Variants in RNF216 observed in about 807,000 individuals in gnomAD.
The protein encoded by RNF216 is ring finger protein 216.
RNF216 carries 72 observed loss-of-function variants against 110.8 expected under a neutral mutation model. The observed-to-expected ratio is 0.65, with a 90% CI of 0.54 to 0.79. The LOEUF (loss-of-function observed/expected upper bound fraction) is 0.79, where lower values mean the gene tolerates loss of function less well. Ranked by LOEUF, RNF216 falls within the 30% of genes least tolerant of loss-of-function variation. RNF216 has a pLI of 0.00. For synonymous variants in RNF216, 495 were observed against 407.5 expected (o/e 1.21, Z -2.59); for missense variants, 1,342 against 1,141.2 (o/e 1.18, Z -2.54).
intron 15 of RNF216, among the ~76,000 whole-genome samples, chr7:5,631,670 A>T (rs899669018): frequency 9.8e-6 from 1 of 101,584 alleles, no homozygotes; most frequent in African/African-American, 8.1e-5. Context: ...CATCAACATA[A>T]AAAAAAAAAT....
chr7:5,705,917 T>TAAAACAAAACAAAAC lies in RNF216; in HGVS notation c.2061+5829_2061+5843dup, dbSNP rs55645443. Among the ~76,000 whole-genome samples, 41 of 144,074 alleles carry TAAAACAAAACAAAAC rather than the reference T, an allele frequency of 2.8e-4. 1 individual carries two copies. Among genetic ancestry groups the TAAAACAAAACAAAAC allele is most frequent in the East Asian group, 8.4e-4 (4 of 4,784 alleles). The allele number at this position is 144,074 out of a possible 152,430, so 94.5% of individuals were successfully genotyped here. A position where few individuals can be genotyped will look rare whatever the true frequency, so the allele number is the denominator to read the frequency against. ...AGCGAAACTCCATCTCAACAAAAAC[T>TAAAACAAAACAAAAC]AAAACAAAACAAAACAAAACAAAAC... On this transcript the variant is annotated intron_variant, in intron 13 of 16. Coordinates refer to ENST00000389902, the MANE Select transcript of RNF216 (RefSeq NM_207111.4).
intron 3 of RNF216, among the ~76,000 whole-genome samples, chr7:5,743,431 TTAAA>T (rs1208348239): frequency 2.0e-5 from 3 of 152,120 alleles, no homozygotes; most frequent in Non-Finnish European, 4.4e-5. Flanking sequence ...GAGTGAATGG[TTAAA>T]TAAACTATTA....
At chr7:5,779,095 A>T (rs1168259771) in intron 1 of RNF216, among the ~76,000 whole-genome samples, 1 of 152,256 alleles carries the variant, frequency 6.6e-6, no homozygotes, top group African/African-American at 2.4e-5. Context: ...ATCAGGTATG[A>T]GAATGAATTA....
intron 4 of RNF216, among the ~76,000 whole-genome samples, chr7:5,740,244 A>G (rs1794681028): frequency 6.6e-6 from 1 of 150,524 alleles, no homozygotes; most frequent in Non-Finnish European, 1.5e-5. Context: ...CTCCTGCCTC[A>G]GCCTCCCAAG....
chr7:5,766,908 A>G (rs1017016955), intron 1 of RNF216: 1 of 152,270 alleles, frequency 6.6e-6, no homozygotes, highest in Non-Finnish European at 1.5e-5. Context: ...ATAGCTGTAT[A>G]ATGATAATGT....
chr7:5,679,594 T>C (rs1439024444), intron 13 of RNF216, among the ~76,000 whole-genome samples: 1 of 152,216 alleles, frequency 6.6e-6, no homozygotes, highest in Non-Finnish European at 1.5e-5. Flanking sequence ...AGATGTGCAA[T>C]TATTTGATAA....
chr7:5,781,282 G>C (rs1436806864), intron 1 of RNF216, among the ~76,000 whole-genome samples: 1 of 152,090 alleles, frequency 6.6e-6, no homozygotes, highest in Non-Finnish European at 1.5e-5. Flanking sequence ...GAAACTTCGC[G>C]AAGTGGCGAG....
intron 1 of RNF216, among the ~76,000 whole-genome samples, chr7:5,764,335 A>G (rs1209888741): frequency 6.6e-6 from 1 of 152,134 alleles, no homozygotes; most frequent in African/African-American, 2.4e-5. Flanking sequence ...GAACTACCAG[A>G]GGTAAAACAA....
At chr7:5,644,834 T>C (rs903387045) in intron 14 of RNF216, among the ~76,000 whole-genome samples, 8 of 150,654 alleles carry the variant, frequency 5.3e-5, no homozygotes, top group East Asian at 1.9e-4. Flanking sequence ...TTTCTTTTTT[T>C]TTTTTTTTGA....
At chr7:5,672,869 C>G (rs752041957) in intron 13 of RNF216, among the ~76,000 whole-genome samples, 1 of 152,100 alleles carries the variant, frequency 6.6e-6, no homozygotes, top group African/African-American at 2.4e-5. Context: ...CAGCACACTC[C>G]CAGGATAATG....
chr7:5,728,365 A>G (rs1793885366), intron 7 of RNF216, among the ~76,000 whole-genome samples: 1 of 151,958 alleles, frequency 6.6e-6, no homozygotes, highest in African/African-American at 2.4e-5. Context: ...AGATCATCTG[A>G]GGTCAGGAGT....
At chr7:5,722,274 CTT>C (rs1423876968) in intron 8 of RNF216, among the ~76,000 whole-genome samples, 6 of 151,784 alleles carry the variant, frequency 4.0e-5, no homozygotes, top group African/African-American at 9.7e-5. Flanking sequence ...TCAATTTACT[CTT>C]GTCTGTTCTT....
intron 1 of RNF216, among the ~76,000 whole-genome samples, chr7:5,767,967 T>C (rs936882535): frequency 6.6e-6 from 1 of 152,132 alleles, no homozygotes; most frequent in Non-Finnish European, 1.5e-5. Flanking sequence ...AGCTTTCATC[T>C]AAGATCCTAG....
intron 1 of RNF216, among the ~76,000 whole-genome samples, chr7:5,762,238 T>C (rs1403593836): frequency 1.3e-5 from 2 of 152,148 alleles, no homozygotes; most frequent in Admixed American, 6.5e-5. Context: ...AATTAAAAAA[T>C]ACAGCCAGGC....
chr7:5,677,780 G>A (rs1790396325), intron 13 of RNF216, among the ~76,000 whole-genome samples: 1 of 152,186 alleles, frequency 6.6e-6, no homozygotes, highest in South Asian at 2.1e-4. Context: ...CTGCCCAAGG[G>A]GAAGGGTTGT....
intron 9 of RNF216, among the ~76,000 whole-genome samples, chr7:5,720,556 C>G (rs1393707799): frequency 6.6e-6 from 1 of 152,054 alleles, no homozygotes; most frequent in South Asian, 2.1e-4. Flanking sequence ...GGGAAGCACT[C>G]CTAACTTTCA....
Position 5,680,679 on chromosome 7 carries a change from G to C in RNF216, c.2062-28169C>G, listed in dbSNP as rs958943924. 6.6e-6 allele frequency among the ~76,000 whole-genome samples: 1 copy of C among 152,020 alleles called. No homozygotes were observed. Among genetic ancestry groups the C allele is most frequent in the Admixed American group, 6.5e-5 (1 of 15,272 alleles). On this transcript the variant is annotated intron_variant, in intron 13 of 16. Coordinates refer to ENST00000389902, the MANE Select transcript of RNF216 (RefSeq NM_207111.4). This position sits in a 1 kb window ranked among gnomAD's most constrained non-coding sequence, Gnocchi z 4.3. ...GGCCTCCCAAAGTGCTGGGATTACAGGTGTGAGCCACCGCGCCCAGCACTC... is the reference window on the plus strand; with the variant it reads ...GGCCTCCCAAAGTGCTGGGATTACACGTGTGAGCCACCGCGCCCAGCACTC...
At chr7:5,720,870 T>C (rs560450382) in intron 9 of RNF216, among the ~76,000 whole-genome samples, 163 bp downstream of exon 9, 3 of 152,346 alleles carry the variant, frequency 2.0e-5, no homozygotes, top group South Asian at 2.1e-4. Context: ...AACATAAGTA[T>C]TATGACAAAA....
At chr7:5,635,193 C>T (rs1787324215) in intron 15 of RNF216, among the ~76,000 whole-genome samples, 1 of 152,090 alleles carries the variant, frequency 6.6e-6, no homozygotes, top group Non-Finnish European at 1.5e-5. Context: ...ATAGCACGCT[C>T]ACATGGTGTT....
Sources: gnomAD v4.1 joint callset for allele counts (sites outside exome capture counted in the v4.1 genomes callset) on GRCh38, gnomAD v4.1.1 for gene constraint, Gnocchi (gnomAD v3.1) non-coding constraint, MANE v1.5 for transcripts, NCBI Gene and HGNC (gene_info 2026-07-23, HGNC 2026-07-21) for gene names.